The following ETV5 variants were observed in gnomAD, a reference collection of about 807,000 sequenced individuals.
ETV5 encodes ETS variant transcription factor 5.
A neutral mutation model predicts 70.0 loss-of-function variants in ETV5; 10 were observed. The observed-to-expected ratio is 0.14, with a 90% CI of 0.09 to 0.24. The LOEUF (loss-of-function observed/expected upper bound fraction) is 0.24, where lower values mean the gene tolerates loss of function less well. Among genes scored for constraint, ETV5 ranks in the 10% least tolerant of loss-of-function variants. The probability of loss-of-function intolerance (pLI) is 1.00; values close to 1 mark genes in which losing one functional copy is unlikely to be tolerated. For synonymous variants in ETV5, 216 were observed against 242.2 expected, an observed-to-expected ratio of 0.89 and a Z score of 1.01; for missense variants, 453 against 651.2, an observed-to-expected ratio of 0.70 and a Z score of 3.31.
chr3:186,105,105 C>A lies in ETV5; in HGVS notation c.232+200G>T. 6.1e-6 allele frequency: 3 copies of A among 493,272 alleles called. No homozygotes were observed. The highest frequency in any genetic ancestry group is 2.0e-5 in the African/African-American group (1 of 49,912). 30.6% of individuals were successfully genotyped at this position (493,272 alleles called of 1,614,324 possible). A position where few individuals can be genotyped will look rare whatever the true frequency, so the allele number is the denominator to read the frequency against. ...TAAAATTATGTTCAGTAAATCTTAC[C>A]TGCAATACAGTAGAAATACTTTAGA... On this transcript the variant is annotated intron_variant, in intron 5 of 12. Coordinates refer to ENST00000306376, the MANE Select transcript of ETV5 (RefSeq NM_004454.3). The surrounding 1 kb of genome is among the most constrained non-coding windows in gnomAD (Gnocchi z 4.5).
At position 186,048,488 on chromosome 3, in the gene ETV5, G is replaced by A. The variant is rs374865157; in HGVS notation, c.*151C>T. 1.3e-5 allele frequency: 9 copies of A among 687,750 alleles called. No individual in the cohort carries two copies. The highest frequency in any genetic ancestry group is 9.4e-5 in the South Asian group (5 of 53,428). 42.6% of individuals were successfully genotyped at this position (687,750 alleles called of 1,614,324 possible). On this transcript the variant is annotated 3_prime_UTR_variant, in exon 13 of 13. Transcript: ENST00000306376. ...CCCCAGCCAATGTATCTGTCTTTAA[G>A]GGTGCCAATCCAGAGACAGCTTGGG...
At position 186,104,557 on chromosome 3, in the gene ETV5, T is replaced by C. The variant is rs1040963611; in HGVS notation, c.232+748A>G. ...GCCAAAGTTAACTGGAGTTTTCCAT[T>C]AACTATTTTCTGCACCTTTAAGAAA... On this transcript the variant is annotated intron_variant, in intron 5 of 12. Transcript: ENST00000306376. Among the ~76,000 whole-genome samples, 4 of 152,252 alleles carry C rather than the reference T, an allele frequency of 2.6e-5. No individual in the cohort carries two copies. The East Asian group carries it at 7.7e-4, about 29-fold the overall frequency.
At chr3:186,090,116 T>C (rs60648370) in intron 5 of ETV5, among the ~76,000 whole-genome samples, 3,321 of 152,184 alleles carry the variant, frequency 0.022, 127 homozygotes, top group African/African-American at 0.075. Context: ...GGAAAAAAAA[T>C]CCTTTATCTT....
rs2108446415 is a variant in ETV5, at chr3:186,105,111, TA to T, written c.232+193del. The T allele has an allele frequency of 3.9e-6, 2 of 512,252 alleles. No individual in the cohort carries two copies. Among genetic ancestry groups the T allele is most frequent in the East Asian group, 6.5e-5 (2 of 30,760 alleles). The allele number at this position is 512,252 out of a possible 1,614,324, so 31.7% of individuals were successfully genotyped here. ...TATGTTCAGTAAATCTTACCTGCAA[TA>T]CAGTAGAAATACTTTAGAAATAATT... On this transcript the variant is annotated intron_variant, in intron 5 of 12. Transcript: ENST00000306376. The surrounding 1 kb of genome is among the most constrained non-coding windows in gnomAD (Gnocchi z 4.5).
chr3:186,071,332 G>A (rs1713628375), intron 7 of ETV5, among the ~76,000 whole-genome samples: 1 of 152,204 alleles, frequency 6.6e-6, no homozygotes, highest in South Asian at 2.1e-4. Flanking sequence ...CATGCACTTA[G>A]TACTTCCGTT....
intron 5 of ETV5, among the ~76,000 whole-genome samples, chr3:186,099,394 G>A (rs1276505763): frequency 6.6e-6 from 1 of 152,232 alleles, no homozygotes; most frequent in African/African-American, 2.4e-5. Flanking sequence ...CCTGGCACTT[G>A]TCCAAGAGCT....
intron 12 of ETV5, among the ~76,000 whole-genome samples, chr3:186,049,556 GC>G (rs1211573030): frequency 6.6e-6 from 1 of 152,174 alleles, no homozygotes; most frequent in African/African-American, 2.4e-5. Context: ...AGTACAAGAG[GC>G]ACCTAATACC....
chr3:186,068,905 GC>G (rs1462170761), intron 7 of ETV5, among the ~76,000 whole-genome samples: 2 of 152,174 alleles, frequency 1.3e-5, no homozygotes, highest in African/African-American at 4.8e-5. Context: ...GAAAGTAGGA[GC>G]CAAGCTTCAA....
chr3:186,079,205 G>T, intron 7 of ETV5: 1 of 528,824 alleles, frequency 1.9e-6, no homozygotes, highest in Non-Finnish European at 2.6e-6. Context: ...TGCAGAGAAG[G>T]TTCCCTTCAC....
chr3:186,057,160 A>G lies in ETV5; in HGVS notation c.1124T>C (p.Val375Ala). The change falls in exon 11 of 13, where the codon GTC becomes GCC. Residue 375 changes from valine (V) to alanine (A), a missense_variant. This residue lies in a region of ETV5 where 25 missense variants were observed against 114.3 expected (regional missense o/e 0.22). Coordinates refer to ENST00000306376, the MANE Select transcript of ETV5 (RefSeq NM_004454.3). This position sits in a 1 kb window ranked among gnomAD's most constrained non-coding sequence, Gnocchi z 4.9. ...RGSLQLWQFL[V>A]TLLDDPANAH... ...ATTGGCTGGGTCATCAAGAAGGGTG[A>G]CCAGGAACTGCCACAGCTGAAGGGA... 2 of 1,614,180 alleles carry G rather than the reference A, an allele frequency of 1.2e-6. No individual in the cohort carries two copies. Among genetic ancestry groups the G allele is most frequent in the Non-Finnish European group, 1.7e-6 (2 of 1,180,020 alleles).
At chr3:186,083,046 C>T (rs905427368) in intron 5 of ETV5, among the ~76,000 whole-genome samples, 4 of 152,196 alleles carry the variant, frequency 2.6e-5, no homozygotes, top group African/African-American at 9.7e-5. Context: ...ATCATGGCAG[C>T]CAACACTCAA....
chr3:186,056,948 C>T (rs1202865311), intron 11 of ETV5, 127 bp downstream of exon 11: 24 of 1,102,386 alleles, frequency 2.2e-5, no homozygotes, highest in South Asian at 6.5e-5. Flanking sequence ...AGCCCACTGG[C>T]CAGGCCAGAA....
chr3:186,098,391 T>A (rs147802676), intron 5 of ETV5, among the ~76,000 whole-genome samples: 2 of 152,178 alleles, frequency 1.3e-5, no homozygotes, highest in Non-Finnish European at 2.9e-5. Context: ...GGTAGCTACA[T>A]CGGGAGCCAC....
chr3:186,051,872 T>C (rs1713041379), intron 12 of ETV5, among the ~76,000 whole-genome samples, 158 bp downstream of exon 12: 2 of 152,228 alleles, frequency 1.3e-5, no homozygotes, highest in Admixed American at 1.3e-4. Context: ...ATTTGATTCT[T>C]GTCTCAAGTT....
intron 5 of ETV5, among the ~76,000 whole-genome samples, chr3:186,096,165 A>G (rs957298998): frequency 6.6e-6 from 1 of 152,204 alleles, no homozygotes; most frequent in Non-Finnish European, 1.5e-5. Context: ...TGGGGAAGAA[A>G]AAAAATGAAG....
intron 5 of ETV5, among the ~76,000 whole-genome samples, chr3:186,083,325 A>C (rs746707927): frequency 1.7e-4 from 26 of 152,238 alleles, no homozygotes; most frequent in Non-Finnish European, 1.5e-5. Flanking sequence ...GCTTTATCTA[A>C]AGATAATCAT....
At chr3:186,092,244 A>G (rs902328031) in intron 5 of ETV5, among the ~76,000 whole-genome samples, 2 of 152,336 alleles carry the variant, frequency 1.3e-5, no homozygotes, top group East Asian at 3.9e-4. Flanking sequence ...TAAAAGTTAG[A>G]AACTAAAGGG....
intron 7 of ETV5, among the ~76,000 whole-genome samples, chr3:186,075,469 G>C (rs920041598): frequency 6.6e-6 from 1 of 152,162 alleles, no homozygotes; most frequent in South Asian, 2.1e-4. Flanking sequence ...GAAAAAACAA[G>C]AGGAAAAACG....
chr3:186,085,440 A>G (rs1714034051), intron 5 of ETV5, among the ~76,000 whole-genome samples: 1 of 151,348 alleles, frequency 6.6e-6, no homozygotes, highest in Admixed American at 6.6e-5. Context: ...GGATACCAAA[A>G]TTAACCAGGA....
Sources: allele counts gnomAD v4.1 joint callset (sites outside exome capture counted in the v4.1 genomes callset), GRCh38; gene constraint gnomAD v4.1.1; regional missense constraint gnomAD v4.1.1; non-coding constraint Gnocchi (gnomAD v3.1); transcripts MANE v1.5; gene names NCBI Gene and HGNC (gene_info 2026-07-23, HGNC 2026-07-21).